GABRB1: variants seen among roughly 807,000 people sequenced by gnomAD.
GABRB1 encodes the protein gamma-aminobutyric acid type A receptor subunit beta1, also known as gamma-aminobutyric acid receptor subunit beta-1.
Under a neutral mutation model 51.6 loss-of-function variants are expected in GABRB1, and 17 were observed. The ratio of observed to expected loss-of-function variants is 0.33; its 90% CI spans 0.23 to 0.49. The LOEUF is 0.49. Among genes scored for constraint, GABRB1 ranks in the 20% least tolerant of loss-of-function variants. The probability of loss-of-function intolerance (pLI) is 0.99; values close to 1 mark genes in which losing one functional copy is unlikely to be tolerated. For missense variants in GABRB1, 410 were observed against 600.6 expected (o/e 0.68, Z 3.32); for synonymous variants, 247 against 218.9 (o/e 1.13, Z -1.14).
intron 4 of GABRB1, among the ~76,000 whole-genome samples, chr4:47,288,509 G>T (rs576596967): frequency 2.6e-5 from 4 of 151,908 alleles, no homozygotes; most frequent in Non-Finnish European, 4.4e-5. Flanking sequence ...TGATCCGCCC[G>T]CCTCAGCCTC....
intron 3 of GABRB1, among the ~76,000 whole-genome samples, chr4:47,098,800 C>T (rs988009522): frequency 6.6e-6 from 1 of 152,030 alleles, no homozygotes; most frequent in African/African-American, 2.4e-5. Context: ...ATTGTGATGT[C>T]AATCCAGAGT....
At chr4:47,284,295 C>G (rs930853714) in intron 4 of GABRB1, among the ~76,000 whole-genome samples, 2 of 151,976 alleles carry the variant, frequency 1.3e-5, no homozygotes, top group Non-Finnish European at 2.9e-5. Context: ...ACAAGTAAGA[C>G]AAGCATGTAA....
At chr4:47,250,298 T>C (rs1721936658) in intron 4 of GABRB1, among the ~76,000 whole-genome samples, 1 of 152,226 alleles carries the variant, frequency 6.6e-6, no homozygotes, top group Non-Finnish European at 1.5e-5. Flanking sequence ...TTTTAGCTTG[T>C]AGGGTTTCTG....
At chr4:47,251,560 A>T (rs2109864004) in intron 4 of GABRB1, among the ~76,000 whole-genome samples, 1 of 152,254 alleles carries the variant, frequency 6.6e-6, no homozygotes, top group South Asian at 2.1e-4. Context: ...GGGAAGGACC[A>T]TCAGGTGTGG....
intron 3 of GABRB1, among the ~76,000 whole-genome samples, chr4:47,081,799 T>C (rs965423107): frequency 2.0e-5 from 3 of 152,068 alleles, no homozygotes; most frequent in Non-Finnish European, 2.9e-5. Context: ...GCAATATATA[T>C]CTGGTTAAAA....
chr4:47,124,590 C>T (rs1022860507), intron 3 of GABRB1, among the ~76,000 whole-genome samples: 4 of 151,928 alleles, frequency 2.6e-5, no homozygotes, highest in Admixed American at 6.6e-5. Context: ...GTGCACTACA[C>T]GAAAACAGAC....
At chr4:47,410,164 T>G (rs1728711661) in intron 8 of GABRB1, among the ~76,000 whole-genome samples, 1 of 152,206 alleles carries the variant, frequency 6.6e-6, no homozygotes, top group South Asian at 2.1e-4. Flanking sequence ...TTAAAGGAGA[T>G]TTTTTTAAAA....
chr4:47,151,661 T>C (rs1212189289), intron 3 of GABRB1, among the ~76,000 whole-genome samples: 1 of 151,984 alleles, frequency 6.6e-6, no homozygotes, highest in African/African-American at 2.4e-5. Flanking sequence ...TATTTAGATA[T>C]TGAGAAAAAT....
At chr4:47,246,347 TATATATATATATATATATATATA>T (rs1292101737) in intron 4 of GABRB1, among the ~76,000 whole-genome samples, 2 of 11,700 alleles carry the variant, frequency 1.7e-4, no homozygotes, top group Non-Finnish European at 3.0e-4. Context: ...CATATATATA[TATATATATATATATATATATATA>T]TATATATATA....
At chr4:47,241,952 A>G (rs921114668) in intron 4 of GABRB1, among the ~76,000 whole-genome samples, 1 of 152,026 alleles carries the variant, frequency 6.6e-6, no homozygotes, top group African/African-American at 2.4e-5. Context: ...TTTGTTACAT[A>G]TGTATACATG....
chr4:47,279,125 TGG>T (rs1723188606), intron 4 of GABRB1, among the ~76,000 whole-genome samples: 1 of 151,800 alleles, frequency 6.6e-6, no homozygotes, highest in Non-Finnish European at 1.5e-5. Context: ...GATGGATGGA[TGG>T]ATGGATAGAT....
chr4:47,330,856 G>A (rs780981218), intron 5 of GABRB1, among the ~76,000 whole-genome samples: 3 of 151,990 alleles, frequency 2.0e-5, no homozygotes, highest in Middle Eastern at 3.2e-3. Flanking sequence ...ATACTCACAA[G>A]GAAAACATGA....
At chr4:47,090,451 A>C (rs1281975393) in intron 3 of GABRB1, among the ~76,000 whole-genome samples, 1 of 152,220 alleles carries the variant, frequency 6.6e-6, no homozygotes, top group Non-Finnish European at 1.5e-5. Flanking sequence ...AAATCACTCA[A>C]ATTTAAACAC....
intron 5 of GABRB1, among the ~76,000 whole-genome samples, chr4:47,348,790 G>A (rs1489516882): frequency 1.3e-5 from 2 of 152,148 alleles, no homozygotes; most frequent in East Asian, 3.9e-4. Context: ...TATGGAAAAT[G>A]GATTGACTCC....
At chr4:47,220,879 G>C (rs569981225) in intron 4 of GABRB1, among the ~76,000 whole-genome samples, 3 of 151,894 alleles carry the variant, frequency 2.0e-5, no homozygotes, top group Non-Finnish European at 4.4e-5. Context: ...TGTTGTCAAA[G>C]AGAACTTTTG....
intron 3 of GABRB1, among the ~76,000 whole-genome samples, chr4:47,128,166 G>T (rs1402272584): frequency 6.6e-6 from 1 of 151,652 alleles, no homozygotes; most frequent in Non-Finnish European, 1.5e-5. Context: ...CAAATAATAA[G>T]AAAGTTGAGG....
At chr4:47,156,407 C>A (rs1377966222) in intron 3 of GABRB1, among the ~76,000 whole-genome samples, 2 of 151,988 alleles carry the variant, frequency 1.3e-5, no homozygotes, top group Non-Finnish European at 2.9e-5. Flanking sequence ...ATTATGGGGG[C>A]CTGTGCTGTG....
intron 3 of GABRB1, among the ~76,000 whole-genome samples, chr4:47,098,151 AACACACACACACACAC>A (rs59294163): frequency 0.25 from 36,794 of 148,288 alleles, 5,735 homozygotes; most frequent in Middle Eastern, 0.4. Context: ...TTTTAGTACA[AACACACACACACACAC>A]ACACACACAC....
At chr4:47,104,259 A>G (rs1714851188) in intron 3 of GABRB1, among the ~76,000 whole-genome samples, 1 of 151,710 alleles carries the variant, frequency 6.6e-6, no homozygotes, top group Non-Finnish European at 1.5e-5. Flanking sequence ...AAAAAGTATA[A>G]TATAGTCCTC....
Sources: gnomAD v4.1 joint callset for allele counts (sites outside exome capture counted in the v4.1 genomes callset) on GRCh38, gnomAD v4.1.1 for gene constraint, MANE v1.5 for transcripts, NCBI Gene and HGNC (gene_info 2026-07-23, HGNC 2026-07-21) for gene names.